PKP1: variants seen among roughly 807,000 people sequenced by gnomAD.
The protein encoded by PKP1 is plakophilin-1.
In PKP1, 27 loss-of-function variants were observed where a neutral mutation model predicts 76.4. That is an observed-to-expected ratio of 0.35 (90% confidence interval 0.26 to 0.49). PKP1 has a LOEUF of 0.49. Among genes scored for constraint, PKP1 ranks in the 20% least tolerant of loss-of-function variants. The pLI is 0.99. For missense variants in PKP1, 964 were observed against 955.2 expected, an observed-to-expected ratio of 1.01 and a Z score of -0.12; for synonymous variants, 404 against 384.2, an observed-to-expected ratio of 1.05 and a Z score of -0.60.
chr1:201,291,351 A>G (rs984511334), intron 1 of PKP1, among the ~76,000 whole-genome samples: 1 of 152,230 alleles, frequency 6.6e-6, no homozygotes, highest in Non-Finnish European at 1.5e-5. Context: ...TTCATGCTGG[A>G]CATGGGGACT....
intron 1 of PKP1, among the ~76,000 whole-genome samples, chr1:201,291,807 C>G (rs1655923279): frequency 6.6e-6 from 1 of 152,242 alleles, no homozygotes; most frequent in African/African-American, 2.4e-5. Context: ...GGGAGGCAGA[C>G]AAGACCTGGT....
At position 201,318,512 on chromosome 1, in the gene PKP1, C is replaced by T. The variant is rs1656836286; in HGVS notation, c.1055-106C>T. The T allele has an allele frequency of 3.1e-6, 3 of 963,832 alleles. 1 individual carries two copies. In the Admixed American group the frequency reaches 5.4e-5, roughly 17 times the overall value. The allele number at this position is 963,832 out of a possible 1,614,324, so 59.7% of individuals were successfully genotyped here. A position where few individuals can be genotyped will look rare whatever the true frequency, so the allele number is the denominator to read the frequency against. On this transcript the variant is annotated intron_variant, in intron 5 of 13. Transcript: ENST00000367324. ...CAGACCAGGGCTACCTGGAAAGCGA[C>T]ATTTCAGTAGGGCCCATTTGCCAGA... is the stretch of plus-strand genomic sequence containing the variant.
intron 1 of PKP1, among the ~76,000 whole-genome samples, chr1:201,285,365 GCAGAGGACTTCCTGGGCCC>G (rs1234640909): frequency 1.3e-5 from 2 of 151,860 alleles, no homozygotes; most frequent in Admixed American, 6.6e-5. Context: ...AAAATGGCCG[GCAGAGGACTTCCTGGGCCC>G]CAGACCTAAA....
chr1:201,323,080 A>C lies in PKP1; in HGVS notation c.1571A>C (p.His524Pro). The part of the protein sequence containing the change: ...TNPKGSGWLY[H>P]SDAIRTYLNL... ...CCCAAGGGCAGCGGCTGGTTGTACCATTCAGATGCCATCCGCACCTACCTG... is the reference window on the plus strand; with the variant it reads ...CCCAAGGGCAGCGGCTGGTTGTACCCTTCAGATGCCATCCGCACCTACCTG... Residue 524 changes from histidine to proline, a missense_variant, in exon 9 of 14, where the codon CAT (histidine) becomes CCT (proline). Physicochemically the swap from His to Pro is moderately conservative, Grantham distance 77. Coordinates refer to ENST00000367324, the MANE Select transcript of PKP1 (RefSeq NM_001005337.3). 1 of 1,614,124 alleles carries C rather than the reference A, an allele frequency of 6.2e-7. No individual in the cohort carries two copies. Among genetic ancestry groups the C allele is most frequent in the Non-Finnish European group, 8.5e-7 (1 of 1,180,004 alleles).
chr1:201,296,713 T>A (rs1656087499), intron 2 of PKP1, among the ~76,000 whole-genome samples: 2 of 152,230 alleles, frequency 1.3e-5, no homozygotes, highest in South Asian at 4.1e-4. Context: ...GGCATTAGTT[T>A]CTGTACTGGA....
rs1211715065 is a variant in PKP1, at chr1:201,331,872, G to A, written c.*1831G>A. ...CTCCTGGCTCACCTCTCCCTCTCAG[G>A]GACCCACGTGGGAGCCTGGATCCCT... On this transcript the variant is annotated 3_prime_UTR_variant, in exon 14 of 14. Transcript: ENST00000367324. 6.6e-6 allele frequency: 1 copy of A among 152,310 alleles called. No homozygotes were observed. Among genetic ancestry groups the A allele is most frequent in the East Asian group, 1.9e-4 (1 of 5,192 alleles). The allele number at this position is 152,310 out of a possible 1,614,324, so 9.4% of individuals were successfully genotyped here.
At position 201,291,006 on chromosome 1, in the gene PKP1, A is replaced by G. The variant is rs1200981965; in HGVS notation, c.203-2936A>G. ...GCATTACTTACCAGTCAGACACCCC[A>G]GGGTCAAGAGAGGGAAAATCACTTT... On this transcript the variant is annotated intron_variant, in intron 1 of 13. Coordinates refer to ENST00000367324, the MANE Select transcript of PKP1 (RefSeq NM_001005337.3). 3.3e-5 allele frequency among the ~76,000 whole-genome samples: 5 copies of G among 152,304 alleles called. No individual in the cohort carries two copies. In the East Asian group the frequency reaches 9.6e-4, roughly 29 times the overall value.
intron 7 of PKP1, among the ~76,000 whole-genome samples, chr1:201,320,838 G>T (rs1363600589): frequency 6.6e-6 from 1 of 152,144 alleles, no homozygotes; most frequent in Non-Finnish European, 1.5e-5. Context: ...AATCCATACT[G>T]GTGCCCCCAG....
rs1369580619 is a variant in PKP1 at position 201,293,935 on chromosome 1, C to T, written c.203-7C>T. On this transcript the variant is annotated splice_region_variant and splice_polypyrimidine_tract_variant and intron_variant, in intron 1 of 13. Coordinates refer to ENST00000367324, the MANE Select transcript of PKP1 (RefSeq NM_001005337.3). Reference sequence around the variant, plus strand: ...TCCCTGTCCTAATCCCCTCCTTTCTCCTCTAGGTTCCATGTATGATGGCTT... The same window carrying T: ...TCCCTGTCCTAATCCCCTCCTTTCTTCTCTAGGTTCCATGTATGATGGCTT... 1.9e-6 allele frequency: 3 copies of T among 1,598,162 alleles called. No individual in the cohort carries two copies. In the Admixed American group the frequency reaches 5.0e-5, roughly 27 times the overall value.
In PKP1 at chr1:201,320,399, T is replaced by C; in HGVS notation, c.1347+18T>C. On this transcript the variant is annotated intron_variant, in intron 7 of 13. Coordinates refer to ENST00000367324, the MANE Select transcript of PKP1 (RefSeq NM_001005337.3). ...ACGACAAGGTGAGTGCATCCCCTGG[T>C]GGCACCCTGACCCCTAGGCCCAGCC... The C allele has an allele frequency of 6.6e-7, 1 of 1,519,014 alleles. No homozygotes were observed. Among genetic ancestry groups the C allele is most frequent in the South Asian group, 1.1e-5 (1 of 89,146 alleles). The allele number at this position is 1,519,014 out of a possible 1,614,324, so 94.1% of individuals were successfully genotyped here.
In PKP1 at chr1:201,293,958, C is replaced by T. The variant is rs756941010; in HGVS notation, c.219C>T (p.Gly73=). ...CTCCTCTAGGTTCCATGTATGATGG[C>T]TTGGCTGACAATTACAACTATGGGA... ...SHSNRGSMYD[G]LADNYNYGTT... The change falls in exon 2 of 14, where the codon GGC becomes GGT. Residue 73 remains glycine, a synonymous_variant. Coordinates refer to ENST00000367324, the MANE Select transcript of PKP1 (RefSeq NM_001005337.3). 3 of 1,612,984 alleles carry T rather than the reference C, an allele frequency of 1.9e-6. No individual in the cohort carries two copies. Among genetic ancestry groups the T allele is most frequent in the Admixed American group, 3.3e-5 (2 of 59,988 alleles).
At position 201,298,768 on chromosome 1, in the gene PKP1, C is replaced by T. The variant is rs1350116181; in HGVS notation, c.306+4723C>T. 2.0e-5 allele frequency among the ~76,000 whole-genome samples: 3 copies of T among 152,356 alleles called. No individual in the cohort carries two copies. The South Asian group carries it at 6.2e-4, about 32-fold the overall frequency. ...ACTTACTAGCAAATCTTTCTTCCAG[C>T]TTCTTCTCAGTTGTACTTGCCTAAC... On this transcript the variant is annotated intron_variant, in intron 2 of 13. Transcript: ENST00000367324.
At chr1:201,329,535 G>A (rs1269291496) in intron 13 of PKP1, among the ~76,000 whole-genome samples, 1 of 152,160 alleles carries the variant, frequency 6.6e-6, no homozygotes, top group Non-Finnish European at 1.5e-5. Flanking sequence ...CACAAATAGA[G>A]ATACTCCAGC....
chr1:201,322,992 T>C, intron 8 of PKP1, 21 bp from the exon 9 acceptor site: 1 of 1,613,380 alleles, frequency 6.2e-7, no homozygotes, highest in African/African-American at 1.3e-5. Flanking sequence ...TTGACCCCCC[T>C]GACCGGCTCT....
chr1:201,318,846 C>G, intron 6 of PKP1, 51 bp downstream of exon 6: 1 of 1,436,034 alleles, frequency 7.0e-7, no homozygotes, highest in Non-Finnish European at 9.6e-7. Flanking sequence ...TGGGCCCTTC[C>G]CCAGGCAGCC....
chr1:201,321,778 C>G (rs769871561), intron 7 of PKP1, among the ~76,000 whole-genome samples, 200 bp from the exon 8 acceptor site: 42 of 152,104 alleles, frequency 2.8e-4, no homozygotes, highest in Non-Finnish European at 4.3e-4. Flanking sequence ...GTTCATGCAG[C>G]CAGGAAATGA....
At chr1:201,294,841 A>T (rs2102155766) in intron 2 of PKP1, among the ~76,000 whole-genome samples, 1 of 152,330 alleles carries the variant, frequency 6.6e-6, no homozygotes, top group South Asian at 2.1e-4. Flanking sequence ...TAATTCTGTG[A>T]CAAGCACTGC....
At position 201,293,262 on chromosome 1, in the gene PKP1, G is replaced by A. The variant is rs558972565; in HGVS notation, c.203-680G>A. On this transcript the variant is annotated intron_variant, in intron 1 of 13. Coordinates refer to ENST00000367324, the MANE Select transcript of PKP1 (RefSeq NM_001005337.3). Reference sequence around the variant, plus strand: ...AGCCCCAAATCCAGTTCTGTTTTCTGTGATGCAAAGCCACTTTGCCACTAA... The same window carrying A: ...AGCCCCAAATCCAGTTCTGTTTTCTATGATGCAAAGCCACTTTGCCACTAA... 2.0e-3 allele frequency among the ~76,000 whole-genome samples: 301 copies of A among 152,218 alleles called. 1 individual carries two copies. The highest frequency in any genetic ancestry group is 2.3e-3 in the Admixed American group (35 of 15,280).
chr1:201,293,854 G>C, intron 1 of PKP1, 88 bp from the exon 2 acceptor site: 2 of 847,564 alleles, frequency 2.4e-6, no homozygotes, highest in Non-Finnish European at 2.0e-6. Context: ...GGGCATAGTG[G>C]ACCTGGATGC....
Sources: allele counts gnomAD v4.1 joint callset (sites outside exome capture counted in the v4.1 genomes callset), GRCh38; gene constraint gnomAD v4.1.1; transcripts MANE v1.5; gene names NCBI Gene and HGNC (gene_info 2026-07-23, HGNC 2026-07-21).